The following ARHGAP28 variants were observed in gnomAD, a reference collection of about 807,000 sequenced individuals.
ARHGAP28 encodes rho GTPase-activating protein 28.
Under a neutral mutation model 90.7 loss-of-function variants are expected in ARHGAP28, and 56 were observed. The ratio of observed to expected loss-of-function variants is 0.62; its 90% CI spans 0.50 to 0.77. The LOEUF (loss-of-function observed/expected upper bound fraction) is 0.77. Among genes scored for constraint, ARHGAP28 ranks in the 30% least tolerant of loss-of-function variants. The pLI is 0.00. For missense variants in ARHGAP28, 869 were observed against 900.9 expected, an observed-to-expected ratio of 0.96 and a Z score of 0.45; for synonymous variants, 308 against 323.3, an observed-to-expected ratio of 0.95 and a Z score of 0.51.
chr18:6,865,705 C>A (rs1038633823), intron 5 of ARHGAP28, among the ~76,000 whole-genome samples: 7 of 152,122 alleles, frequency 4.6e-5, no homozygotes, highest in African/African-American at 1.7e-4. Context: ...TAACTTTAGT[C>A]AAAGTCTAGG....
At chr18:6,909,960 C>T (rs1448773995) in intron 17 of ARHGAP28, among the ~76,000 whole-genome samples, 3 of 152,116 alleles carry the variant, frequency 2.0e-5, no homozygotes, top group Non-Finnish European at 4.4e-5. Flanking sequence ...AAAATTATTT[C>T]TTCACCCCCC....
At chr18:6,756,144 A>G (rs1166394419) in intron 1 of ARHGAP28, among the ~76,000 whole-genome samples, 1 of 152,218 alleles carries the variant, frequency 6.6e-6, no homozygotes. Context: ...TCACAGATTT[A>G]TTGTGAGAAT....
intron 1 of ARHGAP28, among the ~76,000 whole-genome samples, chr18:6,813,551 T>C (rs2056571060): frequency 6.6e-6 from 1 of 152,204 alleles, no homozygotes; most frequent in East Asian, 1.9e-4. Flanking sequence ...CAGCATATTT[T>C]ATAGTAAAAA....
At chr18:6,800,215 G>T (rs2056471889) in intron 1 of ARHGAP28, among the ~76,000 whole-genome samples, 1 of 152,224 alleles carries the variant, frequency 6.6e-6, no homozygotes, top group Admixed American at 6.5e-5. Flanking sequence ...AACAACCGAT[G>T]CTGGAGAGGA....
intron 3 of ARHGAP28, among the ~76,000 whole-genome samples, chr18:6,843,350 A>G (rs891578502): frequency 4.0e-5 from 6 of 151,816 alleles, no homozygotes; most frequent in Non-Finnish European, 8.8e-5. Flanking sequence ...TGTTCTGAAA[A>G]ATATTTTCCA....
chr18:6,795,552 T>C (rs1263481019), intron 1 of ARHGAP28, among the ~76,000 whole-genome samples: 1 of 152,202 alleles, frequency 6.6e-6, no homozygotes, highest in East Asian at 1.9e-4. Context: ...TGATCTCTGT[T>C]GTAACTACTA....
chr18:6,783,621 C>A lies in ARHGAP28; in HGVS notation c.123-41141C>A, dbSNP rs150981436. Among the ~76,000 whole-genome samples the A allele has an allele frequency of 1.8e-4, 28 of 152,222 alleles. No individual in the cohort carries two copies. In the East Asian group the frequency reaches 5.4e-3, roughly 29 times the overall value. On this transcript the variant is annotated intron_variant, in intron 1 of 17. Transcript: ENST00000383472. ...CGGCCTGGGTATTTACTTTTAACCA[C>A]AGGACATAACACATTGCTGAATTAA... is the stretch of plus-strand genomic sequence containing the variant.
chr18:6,888,215 A>T (rs1007852051), intron 12 of ARHGAP28, among the ~76,000 whole-genome samples: 3 of 152,180 alleles, frequency 2.0e-5, no homozygotes, highest in Non-Finnish European at 4.4e-5. Flanking sequence ...TTTATTTCAC[A>T]TTCATTCTTT....
At chr18:6,731,502 G>C (rs1488010663) in intron 1 of ARHGAP28, among the ~76,000 whole-genome samples, 3 of 152,166 alleles carry the variant, frequency 2.0e-5, no homozygotes, top group Non-Finnish European at 4.4e-5. Context: ...TGGTCTTGTG[G>C]AATGATAATA....
chr18:6,868,472 C>T (rs996224643), intron 6 of ARHGAP28, among the ~76,000 whole-genome samples: 3 of 152,218 alleles, frequency 2.0e-5, no homozygotes, highest in African/African-American at 7.2e-5. Flanking sequence ...TTCACGACCA[C>T]CTCATCATTT....
chr18:6,819,640 A>G (rs913666233), intron 1 of ARHGAP28, among the ~76,000 whole-genome samples: 2 of 152,198 alleles, frequency 1.3e-5, no homozygotes, highest in Non-Finnish European at 2.9e-5. Flanking sequence ...TCCCCACTCA[A>G]CAACTCTGCC....
intron 1 of ARHGAP28, among the ~76,000 whole-genome samples, chr18:6,798,347 C>T (rs868000248): frequency 6.6e-6 from 1 of 152,104 alleles, no homozygotes; most frequent in Non-Finnish European, 1.5e-5. Flanking sequence ...GCACCTGCCA[C>T]CATGCCCGGC....
At chr18:6,818,825 C>T (rs79871020) in intron 1 of ARHGAP28, among the ~76,000 whole-genome samples, 2,261 of 152,238 alleles carry the variant, frequency 0.015, 41 homozygotes, top group African/African-American at 0.044. Context: ...GTGCTAATGC[C>T]GTGGGAGAGT....
intron 1 of ARHGAP28, chr18:6,788,710 C>G (rs1484422699): frequency 2.0e-5 from 3 of 152,218 alleles, no homozygotes; most frequent in African/African-American, 7.2e-5. Context: ...CATGATCCAC[C>G]TGCCTCGGCC....
chr18:6,856,549 G>A (rs2056955405), intron 4 of ARHGAP28, among the ~76,000 whole-genome samples: 1 of 152,068 alleles, frequency 6.6e-6, no homozygotes, highest in Non-Finnish European at 1.5e-5. Context: ...TCACTCTGTT[G>A]TCCAGCCTGG....
chr18:6,772,742 AT>A (rs200986632), intron 1 of ARHGAP28, among the ~76,000 whole-genome samples: 1 of 148,788 alleles, frequency 6.7e-6, no homozygotes. Flanking sequence ...TTTATTTTTT[AT>A]TTTTTTTTGA....
chr18:6,782,787 T>C (rs2056336190), intron 1 of ARHGAP28, among the ~76,000 whole-genome samples: 1 of 151,522 alleles, frequency 6.6e-6, no homozygotes, highest in Non-Finnish European at 1.5e-5. Flanking sequence ...TATACAATTA[T>C]ATAATTGTAT....
At chr18:6,745,467 G>A (rs1236101626) in intron 1 of ARHGAP28, among the ~76,000 whole-genome samples, 8 of 152,110 alleles carry the variant, frequency 5.3e-5, no homozygotes, top group African/African-American at 1.9e-4. Flanking sequence ...AAAAATAAAT[G>A]CTTTATTTAG....
chr18:6,856,484 A>G (rs571096691), intron 4 of ARHGAP28, among the ~76,000 whole-genome samples: 1 of 152,272 alleles, frequency 6.6e-6, no homozygotes, highest in South Asian at 2.1e-4. Flanking sequence ...TTTTAGATGT[A>G]TAATTCAATA....
Sources: gnomAD v4.1 joint callset for allele counts (sites outside exome capture counted in the v4.1 genomes callset) on GRCh38, gnomAD v4.1.1 for gene constraint, MANE v1.5 for transcripts, NCBI Gene and HGNC (gene_info 2026-07-23, HGNC 2026-07-21) for gene names.